FTO: variants seen among roughly 807,000 people sequenced by gnomAD.
FTO encodes the protein FTO alpha-ketoglutarate dependent dioxygenase, also known as alpha-ketoglutarate-dependent dioxygenase FTO.
A neutral mutation model predicts 63.9 loss-of-function variants in FTO; 47 were observed. That is an observed-to-expected ratio of 0.74 (90% CI 0.58 to 0.94). The LOEUF (loss-of-function observed/expected upper bound fraction) is 0.94. FTO is among the 40% of genes least tolerant of loss of function. FTO has a pLI of 0.00. For synonymous variants in FTO, 207 were observed against 224.4 expected, an observed-to-expected ratio of 0.92 and a Z score of 0.69; for missense variants, 562 against 618.1, an observed-to-expected ratio of 0.91 and a Z score of 0.96.
At position 53,894,937 on chromosome 16, in the gene FTO, AGTTTTAGGACCTTTAC is replaced by A. The variant is rs2081240707; in HGVS notation, c.1239+5991_1239+6006del. Among the ~76,000 whole-genome samples, 4 of 152,148 alleles carry A rather than the reference AGTTTTAGGACCTTTAC, an allele frequency of 2.6e-5. No homozygotes were observed. The South Asian group carries it at 8.3e-4, about 31-fold the overall frequency. On this transcript the variant is annotated intron_variant, in intron 7 of 8. Coordinates refer to ENST00000471389, the MANE Select transcript of FTO (RefSeq NM_001080432.3). The stretch of plus-strand genomic sequence containing the variant: ...TTCTGAAACTGGTGTGCAGGCACTG[AGTTTTAGGACCTTTAC>A]GTTTAGCTTTGAAAATCTGGAAAAA...
intron 1 of FTO, among the ~76,000 whole-genome samples, chr16:53,802,211 A>G (rs939517193): frequency 4.6e-5 from 7 of 152,242 alleles, no homozygotes; most frequent in African/African-American, 1.2e-4. Flanking sequence ...GCATTTGCAT[A>G]TAACCTATGC....
intron 1 of FTO, among the ~76,000 whole-genome samples, chr16:53,790,904 G>A (rs1313958731): frequency 6.6e-6 from 1 of 152,116 alleles, no homozygotes; most frequent in Non-Finnish European, 1.5e-5. Context: ...GAAAAAGAAA[G>A]GATGCAGATA....
chr16:53,946,109 C>G (rs911854171), intron 8 of FTO, among the ~76,000 whole-genome samples: 3 of 152,068 alleles, frequency 2.0e-5, no homozygotes, highest in Non-Finnish European at 4.4e-5. Flanking sequence ...GCTCTACTGG[C>G]CTGTAGGGGA....
intron 8 of FTO, among the ~76,000 whole-genome samples, chr16:53,982,538 C>A (rs1210372351): frequency 6.6e-6 from 1 of 152,166 alleles, no homozygotes; most frequent in Non-Finnish European, 1.5e-5. Context: ...CCAGAAGTTA[C>A]TATTATAATA....
intron 8 of FTO, among the ~76,000 whole-genome samples, chr16:54,002,437 C>T (rs1033830759): frequency 9.2e-5 from 14 of 152,196 alleles, no homozygotes; most frequent in African/African-American, 2.4e-4. Context: ...GCTTATTGTA[C>T]GAGGTAACTC....
At chr16:54,081,114 A>G (rs13335622) in intron 8 of FTO, among the ~76,000 whole-genome samples, 1 of 152,114 alleles carries the variant, frequency 6.6e-6, no homozygotes, top group East Asian at 1.9e-4. Context: ...AATCGCATCA[A>G]TATTTTTTTT....
At chr16:53,843,235 T>C (rs2079524792) in intron 3 of FTO, among the ~76,000 whole-genome samples, 1 of 152,226 alleles carries the variant, frequency 6.6e-6, no homozygotes, top group Non-Finnish European at 1.5e-5. Context: ...GGACTTTTAG[T>C]ATACATTCTT....
chr16:53,810,110 C>G, intron 1 of FTO, 30 bp from the exon 2 acceptor site: 2 of 1,463,868 alleles, frequency 1.4e-6, no homozygotes, highest in Non-Finnish European at 1.9e-6. Flanking sequence ...ATTGCATATT[C>G]ACTTATATGT....
intron 1 of FTO, 26 bp from the exon 2 acceptor site, chr16:53,810,114 T>C: frequency 6.7e-7 from 1 of 1,503,438 alleles, no homozygotes; most frequent in Non-Finnish European, 9.3e-7. Context: ...CATATTCACT[T>C]ATATGTAATT....
At chr16:53,712,319 G>A (rs570877065) in intron 1 of FTO, among the ~76,000 whole-genome samples, 298 of 152,150 alleles carry the variant, frequency 2.0e-3, no homozygotes, top group Non-Finnish European at 3.5e-3. Context: ...AAGACCAGGG[G>A]ACTTGAAAAA....
At chr16:54,024,667 C>T (rs1015655519) in intron 8 of FTO, among the ~76,000 whole-genome samples, 7 of 152,146 alleles carry the variant, frequency 4.6e-5, no homozygotes, top group East Asian at 1.9e-4. Context: ...CATTCTCCCT[C>T]GGTTTTCCCA....
At chr16:53,868,893 G>A (rs905488771) in intron 4 of FTO, among the ~76,000 whole-genome samples, 4 of 151,862 alleles carry the variant, frequency 2.6e-5, no homozygotes, top group East Asian at 1.9e-4. Context: ...GTGCAGTGGC[G>A]TGATCTTGGC....
chr16:53,878,699 A>G (rs2080737610), intron 5 of FTO, among the ~76,000 whole-genome samples: 1 of 152,248 alleles, frequency 6.6e-6, no homozygotes, highest in South Asian at 2.1e-4. Flanking sequence ...AATCATTTTA[A>G]TATCAAAACA....
At chr16:53,989,877 A>G (rs760311163) in intron 8 of FTO, among the ~76,000 whole-genome samples, 1 of 151,150 alleles carries the variant, frequency 6.6e-6, no homozygotes, top group Non-Finnish European at 1.5e-5. Context: ...CAAAGTGGAG[A>G]CAATGAGGAT....
At chr16:53,746,354 C>G (rs1018607422) in intron 1 of FTO, among the ~76,000 whole-genome samples, 1 of 152,164 alleles carries the variant, frequency 6.6e-6, no homozygotes, top group Non-Finnish European at 1.5e-5. Context: ...AGAGTCCATT[C>G]CCTTCCCCCA....
intron 2 of FTO, among the ~76,000 whole-genome samples, chr16:53,810,693 A>G (rs2078497183): frequency 6.6e-6 from 1 of 152,222 alleles, no homozygotes; most frequent in South Asian, 2.1e-4. Context: ...ATTAGACACC[A>G]CTGTTTCAAT....
At chr16:53,890,037 G>C (rs1008037643) in intron 7 of FTO, among the ~76,000 whole-genome samples, 2 of 152,014 alleles carry the variant, frequency 1.3e-5, no homozygotes, top group Admixed American at 1.3e-4. Flanking sequence ...TGAGGGAGCT[G>C]GAATCTGAAC....
intron 8 of FTO, among the ~76,000 whole-genome samples, chr16:54,048,851 G>T (rs1286702094): frequency 2.0e-5 from 3 of 152,144 alleles, no homozygotes; most frequent in Non-Finnish European, 2.9e-5. Flanking sequence ...AGCATTGCTG[G>T]TTGGCATCAT....
At chr16:54,011,673 T>C (rs181966083) in intron 8 of FTO, among the ~76,000 whole-genome samples, 1 of 152,190 alleles carries the variant, frequency 6.6e-6, no homozygotes, top group Non-Finnish European at 1.5e-5. Context: ...ATTCTTGCAA[T>C]CTTTCAAAAG....
Sources: allele counts gnomAD v4.1 joint callset (sites outside exome capture counted in the v4.1 genomes callset), GRCh38; gene constraint gnomAD v4.1.1; transcripts MANE v1.5; gene names NCBI Gene and HGNC (gene_info 2026-07-23, HGNC 2026-07-21).